Variants in BACE2 observed in about 807,000 individuals in gnomAD.
The protein encoded by BACE2 is 56 kDa aspartic-like protease.
In BACE2, 17 loss-of-function variants were observed where a neutral mutation model predicts 46.2. The observed-to-expected ratio is 0.37, with a 90% confidence interval of 0.25 to 0.55. The LOEUF is 0.55. Ranked by LOEUF, BACE2 falls within the 20% of genes least tolerant of loss-of-function variation. BACE2 has a pLI of 0.82. For synonymous variants in BACE2, 277 were observed against 295.9 expected (o/e 0.94, Z 0.66); for missense variants, 595 against 698.1 (o/e 0.85, Z 1.66).
intron 6 of BACE2, among the ~76,000 whole-genome samples, chr21:41,248,034 A>G (rs910897890): frequency 6.6e-6 from 1 of 152,072 alleles, no homozygotes; most frequent in Non-Finnish European, 1.5e-5. Context: ...GATTGTTCAG[A>G]TGGGATTCTA....
intron 1 of BACE2, among the ~76,000 whole-genome samples, chr21:41,172,364 G>T (rs1277957636): frequency 6.6e-6 from 1 of 152,222 alleles, no homozygotes; most frequent in African/African-American, 2.4e-5. Context: ...TGCTGATGGA[G>T]TGTTGGACAC....
intron 1 of BACE2, among the ~76,000 whole-genome samples, chr21:41,225,952 A>G (rs1392139506): frequency 6.6e-6 from 1 of 152,152 alleles, no homozygotes; most frequent in African/African-American, 2.4e-5. Context: ...GATAAGAAAG[A>G]GCTCAGCCTT....
rs536071353 is a variant in BACE2, at chr21:41,257,317, C to G, written c.1294C>G (p.Pro432Ala). ...GAAGAGGGTGGGCTTCGCAGCGAGC[C>G]CCTGTGCAGGTGAGCGATTCTGGCA... ...AQKRVGFAAS[P>A]CAEIAGAAVS... is the part of the protein sequence containing the mutation. Residue 432 changes from proline to alanine, a missense_variant, in exon 8 of 9, where the codon CCC becomes GCC. By Grantham distance (27) the Pro-to-Ala change is conservative. Coordinates refer to ENST00000330333, the MANE Select transcript of BACE2 (RefSeq NM_012105.5). The G allele has an allele frequency of 2.5e-6, 4 of 1,613,638 alleles. No individual in the cohort carries two copies. The highest frequency in any genetic ancestry group is 3.4e-6 in the Non-Finnish European group (4 of 1,179,986).
chr21:41,259,481 TTAAG>T lies in BACE2; in HGVS notation c.1303+2159_1303+2162del, dbSNP rs542056860. On this transcript the variant is annotated intron_variant, in intron 8 of 8. Transcript: ENST00000330333. ...GTATTTATTTTTCATTATAAAATGT[TTAAG>T]TAACAAAAAAACCTTAAGTTACAGA... 3.2e-3 allele frequency among the ~76,000 whole-genome samples: 492 copies of T among 152,196 alleles called. 1 individual carries two copies. The highest frequency in any genetic ancestry group is 5.1e-3 in the Non-Finnish European group (348 of 68,020).
chr21:41,226,158 C>T, intron 1 of BACE2, 108 bp from the exon 2 acceptor site: 1 of 823,434 alleles, frequency 1.2e-6, no homozygotes, highest in Non-Finnish European at 2.0e-6. Flanking sequence ...TTTGTTCCAA[C>T]TGATAAATTA....
chr21:41,275,144 G>C (rs2297274), intron 8 of BACE2, among the ~76,000 whole-genome samples: 3 of 152,074 alleles, frequency 2.0e-5, no homozygotes, highest in Non-Finnish European at 4.4e-5. Context: ...ACCTAGGCTC[G>C]GTACCCACAC....
intron 1 of BACE2, chr21:41,175,190 T>C (rs1984774469): frequency 6.6e-6 from 1 of 152,180 alleles, no homozygotes; most frequent in African/African-American, 2.4e-5. Context: ...ATGAGTGTGT[T>C]TGTTTTGTGC....
rs370846483 is a variant in BACE2 at position 41,275,628 on chromosome 21, G to T, written c.*4G>T. The T allele has an allele frequency of 1.2e-6, 2 of 1,613,266 alleles. No individual in the cohort carries two copies. The highest frequency in any genetic ancestry group is 1.7e-6 in the Non-Finnish European group (2 of 1,179,746). ...GGTCAGACATCGCTGGAAATGAATA[G>T]CCAGGCCTGACCTCAAGCAACCATG... On this transcript the variant is annotated 3_prime_UTR_variant, in exon 9 of 9. Transcript: ENST00000330333.
At chr21:41,265,515 G>T (rs1376903174) in intron 8 of BACE2, among the ~76,000 whole-genome samples, 4 of 152,086 alleles carry the variant, frequency 2.6e-5, no homozygotes, top group Non-Finnish European at 4.4e-5. Context: ...GGTGAAAAAT[G>T]ATGATCTCGG....
At chr21:41,252,009 G>A (rs369154852) in intron 7 of BACE2, among the ~76,000 whole-genome samples, 11 of 152,002 alleles carry the variant, frequency 7.2e-5, no homozygotes, top group African/African-American at 2.7e-4. Flanking sequence ...GCCCTTGCGC[G>A]TGTGGCTCTC....
In BACE2 at chr21:41,224,209, A is replaced by ATTTTTTTT. The variant is rs10658440; in HGVS notation, c.313-2041_313-2034dup. On this transcript the variant is annotated intron_variant, in intron 1 of 8. Transcript: ENST00000330333. Reference sequence around the variant, plus strand: ...CCTAGGCAAAAACTTGCCTATTTTGATTTTTTTTTTTTTTTTTTTTTTTGA... The same window carrying ATTTTTTTT: ...CCTAGGCAAAAACTTGCCTATTTTGATTTTTTTTTTTTTTTTTTTTTTTTTTTTTTTGA... 3.5e-3 allele frequency among the ~76,000 whole-genome samples: 349 copies of ATTTTTTTT among 98,876 alleles called. 16 individuals are homozygous for ATTTTTTTT. The highest frequency in any genetic ancestry group is 4.8e-3 in the African/African-American group (106 of 22,294). 64.9% of individuals were successfully genotyped at this position (98,876 alleles called of 152,430 possible).
At chr21:41,179,213 G>A in intron 1 of BACE2, 1 of 1,284,312 alleles carries the variant, frequency 7.8e-7, no homozygotes, top group Admixed American at 2.4e-5. Flanking sequence ...TTGAGTGAGG[G>A]TGTCCAGGAT....
chr21:41,240,823 T>C (rs759670987), intron 3 of BACE2, among the ~76,000 whole-genome samples: 2 of 152,190 alleles, frequency 1.3e-5, no homozygotes, highest in African/African-American at 2.4e-5. Context: ...ACTACACCAA[T>C]GGGAAGATCT....
chr21:41,211,290 A>G (rs924744268), intron 1 of BACE2, among the ~76,000 whole-genome samples: 13 of 152,186 alleles, frequency 8.5e-5, no homozygotes, highest in African/African-American at 3.1e-4. Context: ...CTGTACAGCA[A>G]TAGTGAAATG....
At chr21:41,221,246 C>T (rs1035166993) in intron 1 of BACE2, among the ~76,000 whole-genome samples, 2 of 152,178 alleles carry the variant, frequency 1.3e-5, no homozygotes, top group African/African-American at 4.8e-5. Context: ...GGTTACAGCA[C>T]TGCCCCTGGC....
chr21:41,270,564 G>T (rs145721429), intron 8 of BACE2, among the ~76,000 whole-genome samples: 503 of 152,252 alleles, frequency 3.3e-3, no homozygotes, highest in African/African-American at 0.012. Flanking sequence ...TTATAGGCAT[G>T]AGCCACCACC....
Position 41,277,215 on chromosome 21 carries a change from C to T in BACE2, c.*1591C>T, listed in dbSNP as rs1601329675. On this transcript the variant is annotated 3_prime_UTR_variant, in exon 9 of 9. Coordinates refer to ENST00000330333, the MANE Select transcript of BACE2 (RefSeq NM_012105.5). ...AGCCATCTGCTCTGCTCCCTGGGTC[C>T]CCGGGTCACCACCATACTGAGAAAT... 1 of 152,032 alleles carries T rather than the reference C, an allele frequency of 6.6e-6. No homozygotes were observed. Among genetic ancestry groups the T allele is most frequent in the South Asian group, 2.1e-4 (1 of 4,814 alleles). 9.4% of individuals were successfully genotyped at this position (152,032 alleles called of 1,614,324 possible).
At chr21:41,197,032 G>T (rs575789850) in intron 1 of BACE2, among the ~76,000 whole-genome samples, 70 of 152,230 alleles carry the variant, frequency 4.6e-4, no homozygotes, top group African/African-American at 1.5e-3. Context: ...CACAGTTACT[G>T]CTCACCGCAG....
chr21:41,248,122 A>G (rs1987525044), intron 6 of BACE2, among the ~76,000 whole-genome samples: 2 of 152,172 alleles, frequency 1.3e-5, no homozygotes, highest in Non-Finnish European at 1.5e-5. Flanking sequence ...GCCCATGCAG[A>G]GGCACCGAGA....
Sources: allele counts gnomAD v4.1 joint callset (sites outside exome capture counted in the v4.1 genomes callset), GRCh38; gene constraint gnomAD v4.1.1; transcripts MANE v1.5; gene names NCBI Gene and HGNC (gene_info 2026-07-23, HGNC 2026-07-21).